The following GRID2 variants were observed in gnomAD, a reference collection of about 807,000 sequenced individuals.
The protein encoded by GRID2 is glutamate receptor ionotropic, delta-2.
GRID2 carries 33 observed loss-of-function variants against 114.8 expected under a neutral mutation model. That is an observed-to-expected ratio of 0.29 (90% CI 0.22 to 0.38). The LOEUF is 0.38. GRID2 is among the 10% of genes least tolerant of loss of function. The probability of loss-of-function intolerance (pLI) is 1.00; values close to 1 mark genes in which losing one functional copy is unlikely to be tolerated. For synonymous variants in GRID2, 505 were observed against 449.9 expected (o/e 1.12, Z -1.55); for missense variants, 1,184 against 1,257.7 (o/e 0.94, Z 0.89).
At chr4:93,209,119 T>A (rs1412304755) in intron 5 of GRID2, among the ~76,000 whole-genome samples, 9 of 152,026 alleles carry the variant, frequency 5.9e-5, no homozygotes, top group Non-Finnish European at 1.3e-4. Flanking sequence ...GCTTTTAAGT[T>A]CAGGGGTACG....
intron 9 of GRID2, among the ~76,000 whole-genome samples, chr4:93,411,920 G>T (rs116530807): frequency 0.012 from 1,723 of 148,344 alleles, 29 homozygotes; most frequent in African/African-American, 0.041. Context: ...TCTTTACAGA[G>T]ATATTTTTGA....
rs1457609763 is a variant in GRID2, at chr4:93,137,978, T to G, written c.735+27025T>G. ...GAATTTTTTCTTCGTTTTTTTTTTT[T>G]TTTTTTTTTTTTGAGATAGGGCCTA... On this transcript the variant is annotated intron_variant, in intron 4 of 15. Transcript: ENST00000282020. 4.9e-5 allele frequency among the ~76,000 whole-genome samples: 7 copies of G among 142,070 alleles called. No homozygotes were observed. The East Asian group carries it at 1.0e-3, about 21-fold the overall frequency. 93.2% of individuals were successfully genotyped at this position (142,070 alleles called of 152,430 possible).
intron 8 of GRID2, among the ~76,000 whole-genome samples, chr4:93,332,463 T>C (rs1483528824): frequency 7.5e-6 from 1 of 133,792 alleles, no homozygotes; most frequent in African/African-American, 3.8e-5. Context: ...CAAAGAATTT[T>C]AAGTTGTTTC....
intron 10 of GRID2, among the ~76,000 whole-genome samples, chr4:93,449,367 G>A (rs537305847): frequency 2.0e-5 from 3 of 152,038 alleles, no homozygotes; most frequent in African/African-American, 7.2e-5. Context: ...TACAAAACAT[G>A]AAAAACAGAG....
intron 3 of GRID2, among the ~76,000 whole-genome samples, chr4:93,101,237 T>C (rs77127325): frequency 0.028 from 4,264 of 152,218 alleles, 202 homozygotes; most frequent in African/African-American, 0.097. Context: ...AGTTGAGATA[T>C]CCATCACCTT....
In GRID2 at chr4:93,803,671, G is replaced by A. The variant is rs571460140; in HGVS notation, c.222-3044G>A. ...CAGGAGATGGAGGCTGCAGCAAGCC[G>A]AGATTGCCCCAACGCACACCAGCCC... On this transcript the variant is annotated intron_variant, in intron 1 of 1. Transcript: ENST00000637838. 1.7e-4 allele frequency among the ~76,000 whole-genome samples: 26 copies of A among 152,034 alleles called. No homozygotes were observed. The South Asian group carries it at 5.0e-3, about 29-fold the overall frequency.
At chr4:93,152,751 A>G (rs553166720) in intron 4 of GRID2, among the ~76,000 whole-genome samples, 1 of 152,252 alleles carries the variant, frequency 6.6e-6, no homozygotes, top group South Asian at 2.1e-4. Context: ...AAGTCTAATC[A>G]GATGTTTAGG....
At chr4:93,401,355 A>AT (rs767452516) in intron 9 of GRID2, among the ~76,000 whole-genome samples, 3 of 152,126 alleles carry the variant, frequency 2.0e-5, no homozygotes, top group Non-Finnish European at 4.4e-5. Flanking sequence ...AGTTTTTCAT[A>AT]TTTTAATCTC....
At chr4:93,586,579 A>G (rs1455021036) in intron 13 of GRID2, among the ~76,000 whole-genome samples, 1 of 152,108 alleles carries the variant, frequency 6.6e-6, no homozygotes, top group Non-Finnish European at 1.5e-5. Context: ...CTCTCATCTG[A>G]TATCAGTCTG....
intron 2 of GRID2, among the ~76,000 whole-genome samples, chr4:92,798,408 T>G (rs1739994001): frequency 6.6e-6 from 1 of 152,066 alleles, no homozygotes; most frequent in South Asian, 2.1e-4. Context: ...GATTGAATGC[T>G]GTTGGTGTTA....
chr4:93,161,677 T>A (rs1737695951), intron 4 of GRID2, among the ~76,000 whole-genome samples: 2 of 151,850 alleles, frequency 1.3e-5, no homozygotes, highest in South Asian at 2.1e-4. Context: ...ATAACAATTT[T>A]AAAAATGTGT....
intron 8 of GRID2, among the ~76,000 whole-genome samples, chr4:93,388,979 T>C (rs976680790): frequency 6.6e-6 from 1 of 152,180 alleles, no homozygotes; most frequent in Admixed American, 6.5e-5. Context: ...TAGTGAAATA[T>C]AAGGAGATTG....
intron 8 of GRID2, among the ~76,000 whole-genome samples, chr4:93,364,269 A>C (rs1220644751): frequency 3.3e-5 from 5 of 152,094 alleles, no homozygotes; most frequent in African/African-American, 1.2e-4. Context: ...AAAAATTTTT[A>C]TAACTTTGGA....
Position 93,638,419 on chromosome 4 carries a change from T to C in GRID2, c.2360+11984T>C, listed in dbSNP as rs1214108778. 1.2e-4 allele frequency among the ~76,000 whole-genome samples: 5 copies of C among 40,994 alleles called. 2 individuals carry two copies. The highest frequency in any genetic ancestry group is 7.1e-4 in the South Asian group (1 of 1,400). The allele number at this position is 40,994 out of a possible 152,430, so 26.9% of individuals were successfully genotyped here. A position where few individuals can be genotyped will look rare whatever the true frequency, so the allele number is the denominator to read the frequency against. On this transcript the variant is annotated intron_variant, in intron 14 of 15. Transcript: ENST00000282020. Reference sequence around the variant, plus strand: ...GTGCGCTGCACCCACTAATGTGTCATCTAGCATTAGGTATATCTCCCAATG... The same window carrying C: ...GTGCGCTGCACCCACTAATGTGTCACCTAGCATTAGGTATATCTCCCAATG...
chr4:92,329,738 C>T (rs1399619499), intron 1 of GRID2, among the ~76,000 whole-genome samples: 1 of 151,742 alleles, frequency 6.6e-6, no homozygotes, highest in African/African-American at 2.4e-5. Flanking sequence ...AAATGGAAGA[C>T]AGGCAATAAA....
chr4:92,472,685 T>G (rs1163011335), intron 1 of GRID2, among the ~76,000 whole-genome samples: 1 of 152,160 alleles, frequency 6.6e-6, no homozygotes, highest in East Asian at 1.9e-4. Flanking sequence ...CAAAGAGTGT[T>G]AAGCATCTTC....
At chr4:93,364,864 C>T (rs1368756106) in intron 8 of GRID2, among the ~76,000 whole-genome samples, 1 of 152,044 alleles carries the variant, frequency 6.6e-6, no homozygotes, top group African/African-American at 2.4e-5. Context: ...TTGACCTTTT[C>T]TTTGCAACTT....
chr4:92,854,002 TAAA>T, intron 2 of GRID2, among the ~76,000 whole-genome samples: 1 of 139,932 alleles, frequency 7.1e-6, no homozygotes, highest in East Asian at 2.1e-4. Context: ...AATTTGAAAT[TAAA>T]AAAAAAAAAA....
chr4:93,734,235 A>T (rs1046605383), intron 14 of GRID2, among the ~76,000 whole-genome samples: 4 of 152,044 alleles, frequency 2.6e-5, no homozygotes, highest in African/African-American at 9.7e-5. Context: ...ATTCTCCAGG[A>T]ATATTTTCCC....
Sources: allele counts gnomAD v4.1 joint callset (sites outside exome capture counted in the v4.1 genomes callset), GRCh38; gene constraint gnomAD v4.1.1; transcripts MANE v1.5; gene names NCBI Gene and HGNC (gene_info 2026-07-23, HGNC 2026-07-21).